Variants in LRRC49 observed in about 807,000 individuals in gnomAD.
LRRC49 encodes the protein leucine rich repeat containing 49, also known as leucine-rich repeat-containing protein 49.
LRRC49 carries 50 observed loss-of-function variants against 83.3 expected under a neutral mutation model. That is an observed-to-expected ratio of 0.60 (90% CI 0.48 to 0.76). The LOEUF is 0.76. Ranked by LOEUF, LRRC49 falls within the 30% of genes least tolerant of loss-of-function variation. The pLI is 0.00. For missense variants in LRRC49, 704 were observed against 809.1 expected (o/e 0.87, Z 1.58); for synonymous variants, 286 against 283.3 (o/e 1.01, Z -0.10).
chr15:70,999,751 C>A (rs1402096366), intron 11 of LRRC49, among the ~76,000 whole-genome samples: 1 of 152,200 alleles, frequency 6.6e-6, no homozygotes, highest in Non-Finnish European at 1.5e-5. Context: ...ACATCTCTTT[C>A]CCTAGCCTCT....
intron 8 of LRRC49, among the ~76,000 whole-genome samples, chr15:70,957,435 C>T (rs2036442040): frequency 2.0e-5 from 3 of 151,976 alleles, no homozygotes; most frequent in Admixed American, 2.0e-4. Context: ...ATCATGTTAT[C>T]CTTTAAATAA....
At chr15:70,997,357 C>A (rs2038107866) in intron 11 of LRRC49, among the ~76,000 whole-genome samples, 1 of 152,098 alleles carries the variant, frequency 6.6e-6, no homozygotes, top group Non-Finnish European at 1.5e-5. Context: ...CTCTGGCTCT[C>A]TTTTGGTTAC....
At chr15:71,037,106 G>A in intron 14 of LRRC49, 73 bp from the exon 15 acceptor site, 1 of 1,078,630 alleles carries the variant, frequency 9.3e-7, no homozygotes, top group South Asian at 1.4e-5. Flanking sequence ...CTCCTCTAAA[G>A]TCAACAAAAA....
At chr15:70,889,393 T>C (rs1442304867), upstream of LRRC49, among the ~76,000 whole-genome samples, 1 of 152,120 alleles carries the variant, frequency 6.6e-6, no homozygotes, top group Non-Finnish European at 1.5e-5. Context: ...TGGTTACCTT[T>C]GAGGAGAGGG....
chr15:70,934,572 CAG>C (rs549840509), intron 7 of LRRC49, among the ~76,000 whole-genome samples: 7 of 151,986 alleles, frequency 4.6e-5, no homozygotes, highest in South Asian at 2.1e-4. Flanking sequence ...GTCTCATAAA[CAG>C]AGATTAAATA....
chr15:71,002,180 T>A (rs1271458541), intron 11 of LRRC49, among the ~76,000 whole-genome samples: 1 of 152,146 alleles, frequency 6.6e-6, no homozygotes, highest in Non-Finnish European at 1.5e-5. Context: ...TTACCTAGTG[T>A]TTCGATTTGT....
upstream of LRRC49, among the ~76,000 whole-genome samples, chr15:70,891,239 A>C (rs2033551825): frequency 6.6e-6 from 1 of 152,192 alleles, no homozygotes; most frequent in Admixed American, 6.5e-5. Context: ...GAAGGAACAG[A>C]AAAGTAGGCA....
intron 11 of LRRC49, among the ~76,000 whole-genome samples, chr15:70,984,979 A>G (rs1293445188): frequency 2.1e-5 from 3 of 142,830 alleles, no homozygotes; most frequent in South Asian, 2.3e-4. Context: ...TTATGGCTGC[A>G]TAGTATTCCA....
At chr15:70,939,259 G>A (rs1217477432) in intron 8 of LRRC49, among the ~76,000 whole-genome samples, 1 of 152,094 alleles carries the variant, frequency 6.6e-6, no homozygotes, top group African/African-American at 2.4e-5. Context: ...GCTTACTACA[G>A]CCTCTTCAGC....
intron 1 of LRRC49, among the ~76,000 whole-genome samples, chr15:70,864,455 C>T (rs1349947446): frequency 6.6e-6 from 1 of 151,974 alleles, no homozygotes; most frequent in African/African-American, 2.4e-5. Context: ...TTTCCTTTGC[C>T]TAATTTGGAA....
chr15:70,914,008 T>C (rs550754316), intron 6 of LRRC49, among the ~76,000 whole-genome samples: 7 of 151,976 alleles, frequency 4.6e-5, no homozygotes, highest in African/African-American at 1.7e-4. Flanking sequence ...ATTGTGTGTG[T>C]TAAAATTAAA....
At chr15:70,892,072 C>A, upstream of LRRC49, 2 of 1,613,840 alleles carry the variant, frequency 1.2e-6, no homozygotes, top group Non-Finnish European at 8.5e-7. Context: ...TCTGGATAAC[C>A]GAAGAGACGT....
At chr15:70,981,446 TAACA>T (rs2037394566) in intron 10 of LRRC49, among the ~76,000 whole-genome samples, 1 of 152,058 alleles carries the variant, frequency 6.6e-6, no homozygotes, top group Non-Finnish European at 1.5e-5. Flanking sequence ...TATACCTATG[TAACA>T]AACCTGCACG....
chr15:70,902,990 A>G (rs1318936658), intron 4 of LRRC49, among the ~76,000 whole-genome samples: 2 of 152,144 alleles, frequency 1.3e-5, no homozygotes, highest in East Asian at 1.9e-4. Context: ...TGTGTTTAGA[A>G]TCAGAGAAAG....
chr15:70,897,244 G>A (rs1020419212), intron 3 of LRRC49, among the ~76,000 whole-genome samples: 38 of 152,014 alleles, frequency 2.5e-4, no homozygotes, highest in African/African-American at 8.9e-4. Flanking sequence ...CTAGATATTC[G>A]CTAATGAGGA....
intron 14 of LRRC49, among the ~76,000 whole-genome samples, chr15:71,035,164 A>T (rs556856981): frequency 3.9e-5 from 6 of 152,262 alleles, no homozygotes; most frequent in African/African-American, 1.2e-4. Context: ...ATATATCACA[A>T]TTGATTTTTA....
chr15:70,865,982 A>C (rs888110876), intron 1 of LRRC49, among the ~76,000 whole-genome samples: 7 of 152,160 alleles, frequency 4.6e-5, no homozygotes, highest in Non-Finnish European at 8.8e-5. Flanking sequence ...CTCTTGCAAT[A>C]TGCATCATAT....
chr15:71,018,873 G>A (rs894076337), intron 14 of LRRC49, among the ~76,000 whole-genome samples: 1 of 152,144 alleles, frequency 6.6e-6, no homozygotes, highest in African/African-American at 2.4e-5. Flanking sequence ...CCCCTTCTTG[G>A]GGGGTTCTAT....
At chr15:70,905,135 C>A (rs1326258165) in intron 5 of LRRC49, among the ~76,000 whole-genome samples, 1 of 152,156 alleles carries the variant, frequency 6.6e-6, no homozygotes, top group Non-Finnish European at 1.5e-5. Context: ...ACACTCGATA[C>A]TTTGTGATTA....
Sources: allele counts gnomAD v4.1 joint callset (sites outside exome capture counted in the v4.1 genomes callset), GRCh38; gene constraint gnomAD v4.1.1; transcripts MANE v1.5; gene names NCBI Gene and HGNC (gene_info 2026-07-23, HGNC 2026-07-21).